Variants in NEK7 observed in about 807,000 individuals in gnomAD.
The protein encoded by NEK7 is NIMA related kinase 7.
Under a neutral mutation model 44.6 loss-of-function variants are expected in NEK7, and 18 were observed. The observed-to-expected ratio is 0.40, with a 90% CI of 0.28 to 0.60. The LOEUF (loss-of-function observed/expected upper bound fraction) is 0.60, where lower values mean the gene tolerates loss of function less well. Ranked by LOEUF, NEK7 falls within the 20% of genes least tolerant of loss-of-function variation. The probability of loss-of-function intolerance (pLI) is 0.38; values close to 1 mark genes in which losing one functional copy is unlikely to be tolerated. For synonymous variants in NEK7, 130 were observed against 121.1 expected, an observed-to-expected ratio of 1.07 and a Z score of -0.48; for missense variants, 256 against 366.5, an observed-to-expected ratio of 0.70 and a Z score of 2.46.
At chr1:198,228,966 C>T (rs1571551719) in intron 1 of NEK7, among the ~76,000 whole-genome samples, 2 of 152,250 alleles carry the variant, frequency 1.3e-5, no homozygotes, top group East Asian at 1.9e-4. Flanking sequence ...GGGAATGCTT[C>T]CAGTTTTTGC....
At chr1:198,202,167 A>G (rs1252283979) in intron 1 of NEK7, among the ~76,000 whole-genome samples, 1 of 152,204 alleles carries the variant, frequency 6.6e-6, no homozygotes, top group Non-Finnish European at 1.5e-5. Flanking sequence ...CTAGAGATCC[A>G]CATTAGTTAC....
chr1:198,292,022 G>C (rs1454227813), intron 7 of NEK7, among the ~76,000 whole-genome samples: 1 of 151,836 alleles, frequency 6.6e-6, no homozygotes, highest in Non-Finnish European at 1.5e-5. Flanking sequence ...ACATATTTTT[G>C]GTAGCCCTTC....
intron 1 of NEK7, among the ~76,000 whole-genome samples, chr1:198,202,321 G>A (rs1013959771): frequency 4.6e-5 from 7 of 152,070 alleles, no homozygotes; most frequent in Non-Finnish European, 4.4e-5. Context: ...CTGGTTTGGC[G>A]CTTTCCTCAC....
Position 198,277,949 on chromosome 1 carries a change from A to AT in NEK7, c.373-8dup. Reference sequence around the variant, plus strand: ...TTAGTTTTTATAGTTCTTATTTTTAATTTTCAAAAAGCATTTTAAGAAGCA... The same window carrying AT: ...TTAGTTTTTATAGTTCTTATTTTTAATTTTTCAAAAAGCATTTTAAGAAGCA... On this transcript the variant is annotated splice_polypyrimidine_tract_variant and intron_variant, in intron 5 of 9. Coordinates refer to ENST00000367385, the MANE Select transcript of NEK7 (RefSeq NM_133494.3). 6.6e-7 allele frequency: 1 copy of AT among 1,521,376 alleles called. No individual in the cohort carries two copies. The allele number at this position is 1,521,376 out of a possible 1,614,324, so 94.2% of individuals were successfully genotyped here. A position where few individuals can be genotyped will look rare whatever the true frequency, so the allele number is the denominator to read the frequency against.
At chr1:198,167,805 A>G (rs1428750637) in intron 1 of NEK7, among the ~76,000 whole-genome samples, 1 of 152,178 alleles carries the variant, frequency 6.6e-6, no homozygotes, top group Non-Finnish European at 1.5e-5. Flanking sequence ...GCCACGCTGG[A>G]AAGTGTTCAA....
At chr1:198,214,123 G>T (rs1665853664) in intron 1 of NEK7, among the ~76,000 whole-genome samples, 1 of 152,044 alleles carries the variant, frequency 6.6e-6, no homozygotes, top group African/African-American at 2.4e-5. Flanking sequence ...AAAGCCCCCA[G>T]AGCTGAAGCT....
chr1:198,276,864 G>T (rs1654032870), intron 5 of NEK7, among the ~76,000 whole-genome samples: 2 of 151,548 alleles, frequency 1.3e-5, no homozygotes, highest in Admixed American at 1.3e-4. Context: ...TTTCCATTCA[G>T]CCTGCCCTCA....
At chr1:198,253,912 A>G (rs1457293922) in intron 3 of NEK7, among the ~76,000 whole-genome samples, 1 of 152,134 alleles carries the variant, frequency 6.6e-6, no homozygotes, top group Non-Finnish European at 1.5e-5. Context: ...TCTGCCTTCC[A>G]GTGTGTATGA....
At chr1:198,162,102 T>C (rs915735294) in intron 1 of NEK7, among the ~76,000 whole-genome samples, 1 of 152,218 alleles carries the variant, frequency 6.6e-6, no homozygotes, top group Non-Finnish European at 1.5e-5. Context: ...GAGGTACTTC[T>C]GACCTTTGCT....
chr1:198,169,078 G>A (rs967727328), intron 1 of NEK7, among the ~76,000 whole-genome samples: 3 of 152,152 alleles, frequency 2.0e-5, no homozygotes, highest in Non-Finnish European at 4.4e-5. Context: ...TAGTTTAAAA[G>A]TAAAGTGGTC....
chr1:198,254,755 A>G (rs977718880), intron 3 of NEK7, among the ~76,000 whole-genome samples: 4 of 152,106 alleles, frequency 2.6e-5, no homozygotes, highest in Non-Finnish European at 5.9e-5. Flanking sequence ...TTGCTTTCCA[A>G]AGTTGCACTG....
intron 1 of NEK7, among the ~76,000 whole-genome samples, chr1:198,227,657 T>C (rs1221111946): frequency 1.3e-5 from 2 of 152,262 alleles, no homozygotes; most frequent in Non-Finnish European, 2.9e-5. Context: ...TTTGGCTGCA[T>C]AAATGTCTTC....
rs993377374 is a variant in NEK7, at chr1:198,319,834, G to GCCAA, written c.*313_*316dup. The GCCAA allele has an allele frequency of 2.5e-5, 5 of 200,670 alleles. No homozygotes were observed. Among genetic ancestry groups the GCCAA allele is most frequent in the Admixed American group, 2.2e-4 (4 of 18,390 alleles). The allele number at this position is 200,670 out of a possible 1,614,324, so 12.4% of individuals were successfully genotyped here. A position where few individuals can be genotyped will look rare whatever the true frequency, so the allele number is the denominator to read the frequency against. On this transcript the variant is annotated 3_prime_UTR_variant, in exon 10 of 10. Coordinates refer to ENST00000367385, the MANE Select transcript of NEK7 (RefSeq NM_133494.3). ...AATTGTGTTTAGATAGACTGTCAGT[G>GCCAA]CCAAATATTGAAGGTGCAGCTTGGC...
chr1:198,211,549 TATCCAAAGTAGC>T (rs1335258319), intron 1 of NEK7, among the ~76,000 whole-genome samples: 16 of 152,310 alleles, frequency 1.1e-4, no homozygotes, highest in African/African-American at 3.8e-4. Flanking sequence ...GGATTTATAG[TATCCAAAGTAGC>T]ATAAATAATA....
chr1:198,237,669 T>C (rs780318070), intron 2 of NEK7, among the ~76,000 whole-genome samples: 2 of 152,212 alleles, frequency 1.3e-5, no homozygotes, highest in Non-Finnish European at 2.9e-5. Context: ...TCTTCCTAAT[T>C]GATCTCTTTG....
Position 198,256,374 on chromosome 1 carries a change from CA to C in NEK7, c.198+3195del, listed in dbSNP as rs1286606477. ...GAAAGAAGAGTGTGTGCGCTAAATG[CA>C]TGTTACTTCTTGGAAATCATAAAGG... On this transcript the variant is annotated intron_variant, in intron 3 of 9. Transcript: ENST00000367385. 3 of 1,611,708 alleles carry C rather than the reference CA, an allele frequency of 1.9e-6. No homozygotes were observed. The South Asian group carries it at 3.3e-5, about 18-fold the overall frequency.
intron 9 of NEK7, among the ~76,000 whole-genome samples, chr1:198,304,844 T>C (rs1228181144): frequency 6.6e-6 from 1 of 152,188 alleles, no homozygotes; most frequent in African/African-American, 2.4e-5. Context: ...TTAGGAATGT[T>C]GTAGAGAATC....
chr1:198,226,793 A>G (rs991966619), intron 1 of NEK7, among the ~76,000 whole-genome samples: 42 of 152,082 alleles, frequency 2.8e-4, no homozygotes, highest in African/African-American at 9.7e-4. Flanking sequence ...TCCTGAAGGC[A>G]GAAGTCTTCC....
At chr1:198,228,486 C>T (rs1666292931) in intron 1 of NEK7, among the ~76,000 whole-genome samples, 1 of 152,018 alleles carries the variant, frequency 6.6e-6, no homozygotes, top group Non-Finnish European at 1.5e-5. Flanking sequence ...GATATTGATT[C>T]TTCCTACCCA....
Sources: gnomAD v4.1 joint callset for allele counts (sites outside exome capture counted in the v4.1 genomes callset) on GRCh38, gnomAD v4.1.1 for gene constraint, MANE v1.5 for transcripts, NCBI Gene and HGNC (gene_info 2026-07-23, HGNC 2026-07-21) for gene names.